Variants in SASH1 observed in about 807,000 individuals in gnomAD.
SASH1 encodes the protein SAM and SH3 domain-containing protein 1.
Under a neutral mutation model 125.2 loss-of-function variants are expected in SASH1, and 44 were observed. The ratio of observed to expected loss-of-function variants is 0.35; its 90% CI spans 0.28 to 0.45. The LOEUF is 0.45. Ranked by LOEUF, SASH1 falls within the 20% of genes least tolerant of loss-of-function variation. SASH1 has a pLI of 1.00. For missense variants in SASH1, 1,426 were observed against 1,614.5 expected, an observed-to-expected ratio of 0.88 and a Z score of 2.00; for synonymous variants, 639 against 649.1, an observed-to-expected ratio of 0.98 and a Z score of 0.24.
the SASH1 span, among the ~76,000 whole-genome samples, chr6:148,266,910 CTCTTT>C: frequency 6.6e-6 from 1 of 152,062 alleles, no homozygotes; most frequent in Non-Finnish European, 1.5e-5. Context: ...CATGCCTGGC[CTCTTT>C]TCTTTTCTTT....
At chr6:148,242,523 C>T in the SASH1 span, among the ~76,000 whole-genome samples, 2 of 152,186 alleles carry the variant, frequency 1.3e-5, no homozygotes, top group South Asian at 2.1e-4. Context: ...CCAAGTAAAG[C>T]GTCCGTTTGC....
the SASH1 span, among the ~76,000 whole-genome samples, chr6:148,262,604 C>T: frequency 2.6e-5 from 4 of 152,190 alleles, no homozygotes; most frequent in African/African-American, 9.7e-5. Flanking sequence ...TCAATGAAGG[C>T]CGGGCAAGAT....
At chr6:148,530,579 G>T (rs1781454517) in intron 12 of SASH1, among the ~76,000 whole-genome samples, 1 of 152,194 alleles carries the variant, frequency 6.6e-6, no homozygotes. Context: ...CTGCGGAGCT[G>T]TGTTAAGGCC....
chr6:148,267,246 C>A, the SASH1 span, among the ~76,000 whole-genome samples: 1 of 152,094 alleles, frequency 6.6e-6, no homozygotes, highest in Non-Finnish European at 1.5e-5. Flanking sequence ...ATCAAGTCAG[C>A]GGTTCTAAAC....
rs189944921 is a variant in SASH1, at chr6:148,498,702, T to A, written c.729+10987T>A. 2.5e-3 allele frequency among the ~76,000 whole-genome samples: 384 copies of A among 152,308 alleles called. 5 individuals carry two copies. Among genetic ancestry groups the A allele is most frequent in the African/African-American group, 9.1e-3 (377 of 41,552 alleles). On this transcript the variant is annotated intron_variant, in intron 8 of 19. Coordinates refer to ENST00000367467, the MANE Select transcript of SASH1 (RefSeq NM_015278.5). ...AGCTGATTATATTTCAGTACAGATA[T>A]TTGTAATCTAATTTGGTTTAGAGAT...
At chr6:148,453,654 A>T (rs2115050677) in intron 4 of SASH1, among the ~76,000 whole-genome samples, 1 of 152,260 alleles carries the variant, frequency 6.6e-6, no homozygotes, top group African/African-American at 2.4e-5. Context: ...GCAGCTCAGG[A>T]AGTTTAATTT....
At chr6:148,374,023 G>A (rs1293934154) in intron 1 of SASH1, among the ~76,000 whole-genome samples, 1 of 152,204 alleles carries the variant, frequency 6.6e-6, no homozygotes, top group African/African-American at 2.4e-5. Flanking sequence ...TTGAACTGCT[G>A]TGCTCTGAGA....
chr6:148,283,380 A>G (rs1488015374), intron 1 of SASH1: 3 of 152,322 alleles, frequency 2.0e-5, no homozygotes, highest in Admixed American at 1.3e-4. Context: ...GCTGGGTGGA[A>G]TGTAGGCAGG....
At chr6:148,278,607 G>A (rs1474872825) in intron 1 of SASH1, 1 of 151,898 alleles carries the variant, frequency 6.6e-6, no homozygotes, top group East Asian at 1.9e-4. Context: ...GCAAAAGTAG[G>A]TTAAATAGAA....
the SASH1 span, among the ~76,000 whole-genome samples, chr6:148,196,813 G>A: frequency 1.3e-5 from 2 of 152,200 alleles, no homozygotes; most frequent in Non-Finnish European, 2.9e-5. Context: ...CTGAAGTCAG[G>A]GAAGTCTGTG....
chr6:148,455,025 C>T (rs956516580), intron 4 of SASH1, among the ~76,000 whole-genome samples: 13 of 152,290 alleles, frequency 8.5e-5, no homozygotes, highest in African/African-American at 3.1e-4. Flanking sequence ...TTTCTGAACA[C>T]CTCACTTGCA....
upstream of SASH1, among the ~76,000 whole-genome samples, chr6:148,270,174 A>G (rs1779029145): frequency 6.6e-6 from 1 of 152,198 alleles, no homozygotes; most frequent in Non-Finnish European, 1.5e-5. Flanking sequence ...CAGGCCAGAA[A>G]CAGGGAAGAG....
chr6:148,450,844 C>T (rs1338864065), intron 4 of SASH1, among the ~76,000 whole-genome samples: 1 of 152,168 alleles, frequency 6.6e-6, no homozygotes, highest in Non-Finnish European at 1.5e-5. Flanking sequence ...ATACCAGACT[C>T]TCTGGGTTCA....
At chr6:148,370,953 G>C (rs916684990) in intron 1 of SASH1, among the ~76,000 whole-genome samples, 1 of 152,284 alleles carries the variant, frequency 6.6e-6, no homozygotes, top group East Asian at 1.9e-4. Flanking sequence ...TGTTTTTTAT[G>C]TAAGAAGTGA....
At chr6:148,198,067 C>G in the SASH1 span, among the ~76,000 whole-genome samples, 1 of 152,196 alleles carries the variant, frequency 6.6e-6, no homozygotes, top group Non-Finnish European at 1.5e-5. Context: ...CCAAGCTGGT[C>G]TCACACTCCT....
At chr6:148,373,290 T>C (rs1259542353) in intron 1 of SASH1, among the ~76,000 whole-genome samples, 10 of 152,084 alleles carry the variant, frequency 6.6e-5, no homozygotes, top group African/African-American at 2.4e-5. Context: ...TTGAGTAATA[T>C]CCGCAGAGGA....
chr6:148,333,913 C>G (rs545717175), intron 1 of SASH1, among the ~76,000 whole-genome samples: 1 of 151,904 alleles, frequency 6.6e-6, no homozygotes, highest in Admixed American at 6.5e-5. Context: ...AGCTCTGCCT[C>G]TTGGGTTCAA....
chr6:148,346,775 A>G (rs1781535667), intron 1 of SASH1, among the ~76,000 whole-genome samples: 1 of 152,236 alleles, frequency 6.6e-6, no homozygotes, highest in Non-Finnish European at 1.5e-5. Context: ...GTGCAAATTA[A>G]AATCCCAGTG....
the SASH1 span, among the ~76,000 whole-genome samples, chr6:148,251,917 G>A: frequency 7.0e-6 from 1 of 143,402 alleles, no homozygotes; most frequent in Non-Finnish European, 1.5e-5. Context: ...CCACCTATGA[G>A]TGAGAACATG....
Sources: allele counts gnomAD v4.1 joint callset (sites outside exome capture counted in the v4.1 genomes callset), GRCh38; gene constraint gnomAD v4.1.1; transcripts MANE v1.5; gene names NCBI Gene and HGNC (gene_info 2026-07-23, HGNC 2026-07-21).